Variants in MIA2 observed in about 807,000 individuals in gnomAD.
MIA2 encodes the protein melanoma inhibitory activity protein 2.
A neutral mutation model predicts 167.8 loss-of-function variants in MIA2; 127 were observed. The ratio of observed to expected loss-of-function variants is 0.76; its 90% CI spans 0.66 to 0.88. The LOEUF (loss-of-function observed/expected upper bound fraction) is 0.88, where lower values mean the gene tolerates loss of function less well. MIA2 is among the 40% of genes least tolerant of loss of function. The pLI, the probability that MIA2 is intolerant of heterozygous loss-of-function variation, is 0.00. For missense variants in MIA2, 1,690 were observed against 1,624.7 expected (o/e 1.04, Z -0.69); for synonymous variants, 552 against 541.9 (o/e 1.02, Z -0.26).
downstream of MIA2, among the ~76,000 whole-genome samples, chr14:39,353,293 A>G (rs2074439051): frequency 6.6e-6 from 1 of 152,166 alleles, no homozygotes; most frequent in Admixed American, 6.6e-5. Context: ...AATTTATTTC[A>G]TCTAACTGTA....
At chr14:39,352,333 C>T (rs926775169), downstream of MIA2, among the ~76,000 whole-genome samples, 2 of 151,670 alleles carry the variant, frequency 1.3e-5, no homozygotes, top group African/African-American at 4.8e-5. Flanking sequence ...CCATGTGAAT[C>T]ATCTATCTTG....
intron 2 of MIA2, among the ~76,000 whole-genome samples, chr14:39,238,752 C>A (rs1273025819): frequency 1.6e-5 from 2 of 122,780 alleles, no homozygotes; most frequent in Non-Finnish European, 3.2e-5. Context: ...CATGATTGTA[C>A]CACTGCACTC....
intron 23 of MIA2, among the ~76,000 whole-genome samples, chr14:39,371,498 A>G (rs1361207417): frequency 5.3e-5 from 8 of 152,228 alleles, no homozygotes. Context: ...TCGTGTGTCT[A>G]TTTAGACGAG....
chr14:39,297,998 A>G (rs995170995), intron 13 of MIA2, among the ~76,000 whole-genome samples: 2 of 151,892 alleles, frequency 1.3e-5, no homozygotes, highest in African/African-American at 4.8e-5. Context: ...TTCTACTTCT[A>G]CAATTATTTT....
chr14:39,308,057 A>G (rs1161235926), intron 17 of MIA2, among the ~76,000 whole-genome samples: 4 of 152,178 alleles, frequency 2.6e-5, no homozygotes, highest in African/African-American at 9.7e-5. Flanking sequence ...AAGTTGCTGT[A>G]TATTTATATT....
chr14:39,385,057 G>A (rs2075247815), intron 23 of MIA2, among the ~76,000 whole-genome samples: 1 of 152,082 alleles, frequency 6.6e-6, no homozygotes, highest in Admixed American at 6.5e-5. Flanking sequence ...ATTAAGACAA[G>A]ATAGCAGCAC....
chr14:39,272,417 A>C (rs2057314738), intron 6 of MIA2, among the ~76,000 whole-genome samples: 1 of 152,154 alleles, frequency 6.6e-6, no homozygotes, highest in Admixed American at 6.5e-5. Flanking sequence ...AAAGATGGGG[A>C]TCAATCAGAG....
chr14:39,356,010 TTC>T (rs2074514677), downstream of MIA2, among the ~76,000 whole-genome samples: 1 of 152,236 alleles, frequency 6.6e-6, no homozygotes, highest in South Asian at 2.1e-4. Context: ...TGGTCTAAAA[TTC>T]TCTTTTTTTG....
intron 23 of MIA2, among the ~76,000 whole-genome samples, chr14:39,358,607 C>T (rs1184485320): frequency 2.6e-5 from 4 of 152,128 alleles, no homozygotes; most frequent in Non-Finnish European, 5.9e-5. Flanking sequence ...AGCTGTGTTC[C>T]TTTGGAGGAG....
rs542088333 is a variant in MIA2, at chr14:39,296,532, C to A, written c.2496+1503C>A. Among the ~76,000 whole-genome samples, 3 of 151,692 alleles carry A rather than the reference C, an allele frequency of 2.0e-5. No homozygotes were observed. In the South Asian group the frequency reaches 6.2e-4, roughly 31 times the overall value. ...TCTTGACCTCGTGATCCACCCGCCT[C>A]GGCCTCCCAAAGTGCTAGGATTACA... is the stretch of plus-strand genomic sequence containing the variant. On this transcript the variant is annotated intron_variant, in intron 13 of 28. Transcript: ENST00000640607.
intron 6 of MIA2, among the ~76,000 whole-genome samples, chr14:39,259,932 C>T (rs967372388): frequency 6.6e-6 from 1 of 152,010 alleles, no homozygotes; most frequent in African/African-American, 2.4e-5. Context: ...TTGTTCAATT[C>T]CCACCTATGA....
At chr14:39,303,669 C>A in intron 16 of MIA2, 145 bp downstream of exon 16, 1 of 552,328 alleles carries the variant, frequency 1.8e-6, no homozygotes, top group Non-Finnish European at 3.1e-6. Flanking sequence ...TCATCAATTG[C>A]TTTTTCCTTT....
intron 6 of MIA2, among the ~76,000 whole-genome samples, chr14:39,268,196 G>A (rs2152686961): frequency 6.6e-6 from 1 of 152,138 alleles, no homozygotes; most frequent in East Asian, 1.9e-4. Flanking sequence ...ATGTGTAGGG[G>A]CATTTATGTC....
At chr14:39,244,813 T>A (rs1471827126) in intron 3 of MIA2, among the ~76,000 whole-genome samples, 1 of 152,076 alleles carries the variant, frequency 6.6e-6, no homozygotes, top group Admixed American at 6.5e-5. Flanking sequence ...GGTCTCACTC[T>A]GTCACCAAGG....
intron 25 of MIA2, 40 bp from the exon 26 acceptor site, chr14:39,345,864 A>G: frequency 1.3e-6 from 2 of 1,551,918 alleles, no homozygotes; most frequent in Admixed American, 3.6e-5. Flanking sequence ...CTTGATTTAT[A>G]TTTACATTAA....
intron 26 of MIA2, among the ~76,000 whole-genome samples, chr14:39,347,325 A>T (rs1319516550): frequency 1.3e-5 from 2 of 152,202 alleles, no homozygotes; most frequent in Non-Finnish European, 2.9e-5. Context: ...TTCAGTAGCT[A>T]GTCTCTCTTA....
At chr14:39,254,360 A>G (rs528115987) in intron 6 of MIA2, among the ~76,000 whole-genome samples, 18 of 152,336 alleles carry the variant, frequency 1.2e-4, no homozygotes, top group South Asian at 1.0e-3. Context: ...GTTCAACTCT[A>G]TCTTGTAGAT....
At chr14:39,267,785 T>G (rs1419026895) in intron 6 of MIA2, among the ~76,000 whole-genome samples, 1 of 152,228 alleles carries the variant, frequency 6.6e-6, no homozygotes, top group Non-Finnish European at 1.5e-5. Flanking sequence ...TGCAAAGATG[T>G]AAATGTTTCC....
Position 39,345,898 on chromosome 14 carries a change from T to A in MIA2, c.3656-6T>A. 1 of 1,601,380 alleles carries A rather than the reference T, an allele frequency of 6.2e-7. No individual in the cohort carries two copies. The highest frequency in any genetic ancestry group is 8.5e-7 in the Non-Finnish European group (1 of 1,176,200). ...AATGAAGACATTTTAAAAACTTATTTTCTAGGACAATCATATCCTGATTCA... is the reference window on the plus strand; with the variant it reads ...AATGAAGACATTTTAAAAACTTATTATCTAGGACAATCATATCCTGATTCA... On this transcript the variant is annotated splice_region_variant and splice_polypyrimidine_tract_variant and intron_variant, in intron 25 of 28. Coordinates refer to ENST00000640607, the MANE Select transcript of MIA2 (RefSeq NM_001329214.4).
Sources: allele counts gnomAD v4.1 joint callset (sites outside exome capture counted in the v4.1 genomes callset), GRCh38; gene constraint gnomAD v4.1.1; transcripts MANE v1.5; gene names NCBI Gene and HGNC (gene_info 2026-07-23, HGNC 2026-07-21).